NEDD4L: variants seen among roughly 807,000 people sequenced by gnomAD.
NEDD4L encodes E3 ubiquitin-protein ligase NEDD4-like.
In NEDD4L, 54 loss-of-function variants were observed where a neutral mutation model predicts 148.9. That is an observed-to-expected ratio of 0.36 (90% CI 0.29 to 0.45). The LOEUF (loss-of-function observed/expected upper bound fraction) is 0.45, where lower values mean the gene tolerates loss of function less well. NEDD4L is among the 20% of genes least tolerant of loss of function. NEDD4L has a pLI of 1.00. For missense variants in NEDD4L, 856 were observed against 1,233.8 expected (o/e 0.69, Z 4.59); for synonymous variants, 433 against 440.7 (o/e 0.98, Z 0.22).
intron 15 of NEDD4L, among the ~76,000 whole-genome samples, 171 bp downstream of exon 15, chr18:58,341,968 C>A (rs988878989): frequency 4.6e-5 from 7 of 152,154 alleles, no homozygotes; most frequent in Non-Finnish European, 7.3e-5. Context: ...TCTGTCTCGC[C>A]CAGTTAACAT....
rs2032978770 is a variant in NEDD4L, at chr18:58,137,490, TA to T, written c.49-28296del. 2.0e-5 allele frequency among the ~76,000 whole-genome samples: 3 copies of T among 151,968 alleles called. No individual in the cohort carries two copies. The South Asian group carries it at 6.2e-4, about 32-fold the overall frequency. On this transcript the variant is annotated intron_variant, in intron 1 of 30. Transcript: ENST00000400345. Reference sequence around the variant, plus strand: ...TGGGTTTATTAGCTGGGAAAGGCCATAAGGATGAGGAAGAGAAGCTTGTGTT... The same window carrying T: ...TGGGTTTATTAGCTGGGAAAGGCCATAGGATGAGGAAGAGAAGCTTGTGTT...
intron 5 of NEDD4L, among the ~76,000 whole-genome samples, chr18:58,280,901 A>G (rs2052958368): frequency 6.6e-6 from 1 of 152,172 alleles, no homozygotes; most frequent in African/African-American, 2.4e-5. Context: ...CAACAAAATG[A>G]CTTATTTCAT....
At chr18:58,370,874 A>G (rs1357722426) in intron 23 of NEDD4L, among the ~76,000 whole-genome samples, 1 of 152,196 alleles carries the variant, frequency 6.6e-6, no homozygotes, top group African/African-American at 2.4e-5. Context: ...GGTCAAAACA[A>G]TAGGAAGAGT....
intron 1 of NEDD4L, among the ~76,000 whole-genome samples, chr18:58,147,120 G>A (rs2034176669): frequency 6.6e-6 from 1 of 152,200 alleles, no homozygotes; most frequent in Admixed American, 6.5e-5. Context: ...TCATAGCTTT[G>A]TGTGTCTGTG....
At chr18:58,149,308 T>G (rs775772533) in intron 1 of NEDD4L, 75 of 1,176,152 alleles carry the variant, frequency 6.4e-5, no homozygotes, top group Non-Finnish European at 5.7e-5. Context: ...CACCTGTGAT[T>G]TGATGTGAGC....
intron 19 of NEDD4L, among the ~76,000 whole-genome samples, chr18:58,358,440 A>G (rs768868765): frequency 2.6e-5 from 4 of 152,222 alleles, no homozygotes; most frequent in Non-Finnish European, 4.4e-5. Context: ...TCATTAGAAC[A>G]AGGTAAATTC....
chr18:58,313,921 G>C (rs779367008), intron 5 of NEDD4L, among the ~76,000 whole-genome samples: 1 of 152,354 alleles, frequency 6.6e-6, no homozygotes, highest in South Asian at 2.1e-4. Context: ...CTATCAGGCT[G>C]TGAAACAGCT....
At chr18:58,071,905 A>T (rs1432284443) in intron 1 of NEDD4L, among the ~76,000 whole-genome samples, 1 of 152,228 alleles carries the variant, frequency 6.6e-6, no homozygotes, top group Non-Finnish European at 1.5e-5. Flanking sequence ...AACTTCCCTT[A>T]TGATTCAGTT....
intron 1 of NEDD4L, among the ~76,000 whole-genome samples, chr18:58,067,079 C>G (rs759980472): frequency 5.3e-5 from 8 of 152,184 alleles, no homozygotes; most frequent in Non-Finnish European, 1.0e-4. Flanking sequence ...CAGCCCTGAA[C>G]TCTCAAAGTC....
intron 1 of NEDD4L, among the ~76,000 whole-genome samples, chr18:58,161,324 C>T (rs2036180669): frequency 1.3e-5 from 2 of 152,146 alleles, no homozygotes; most frequent in Non-Finnish European, 2.9e-5. Flanking sequence ...AGCCACCGTA[C>T]CCGGCAGGTT....
chr18:58,128,611 G>A (rs562520964), intron 1 of NEDD4L, among the ~76,000 whole-genome samples: 1 of 152,326 alleles, frequency 6.6e-6, no homozygotes, highest in East Asian at 1.9e-4. Flanking sequence ...GCAACTGCCT[G>A]TAGCAGGGAC....
chr18:58,311,986 G>C (rs955818259), intron 5 of NEDD4L, among the ~76,000 whole-genome samples: 2 of 152,228 alleles, frequency 1.3e-5, no homozygotes, highest in Admixed American at 1.3e-4. Flanking sequence ...TTCTTACTTA[G>C]TAGTGATTTT....
At chr18:58,072,444 T>C (rs959465246) in intron 1 of NEDD4L, among the ~76,000 whole-genome samples, 1 of 152,200 alleles carries the variant, frequency 6.6e-6, no homozygotes, top group Non-Finnish European at 1.5e-5. Context: ...AACCACTCAA[T>C]GTAATCTGTC....
intron 2 of NEDD4L, among the ~76,000 whole-genome samples, chr18:58,172,171 C>G (rs544809425): frequency 6.6e-6 from 1 of 152,260 alleles, no homozygotes; most frequent in African/African-American, 2.4e-5. Context: ...TGTGGCCATC[C>G]TTCCATAGAG....
intron 8 of NEDD4L, 87 bp downstream of exon 8, chr18:58,323,421 G>A (rs2059020900): frequency 2.7e-6 from 2 of 739,592 alleles, no homozygotes; most frequent in East Asian, 5.5e-5. Flanking sequence ...GGAAATAAAA[G>A]TTTAGAAAGC....
intron 3 of NEDD4L, among the ~76,000 whole-genome samples, chr18:58,248,142 A>G (rs2047499902): frequency 6.6e-6 from 1 of 152,218 alleles, no homozygotes; most frequent in South Asian, 2.1e-4. Context: ...AGGCTTATGC[A>G]TGTGCAGATG....
chr18:58,373,435 C>CA (rs1486035047), intron 24 of NEDD4L, among the ~76,000 whole-genome samples, 166 bp downstream of exon 24: 3 of 152,186 alleles, frequency 2.0e-5, no homozygotes, highest in African/African-American at 7.2e-5. Flanking sequence ...GCCAAGACGC[C>CA]ACACTCCAAT....
At chr18:58,213,843 C>T (rs1248897717) in intron 2 of NEDD4L, among the ~76,000 whole-genome samples, 1 of 151,924 alleles carries the variant, frequency 6.6e-6, no homozygotes, top group Non-Finnish European at 1.5e-5. Flanking sequence ...GAGTATTTAA[C>T]ATTCTTCTTT....
rs1189206051 is a variant in NEDD4L, at chr18:58,330,778, A to C, written c.854A>C (p.Asp285Ala). Residue 285 changes from aspartate to alanine, a missense_variant, in exon 11 of 31, where the codon GAC becomes GCC. Asp to Ala is a moderately radical substitution (Grantham distance 126). Around this residue, in one of 4 missense-constraint regions of NEDD4L, gnomAD observed 367 missense variants for 422.7 expected, o/e 0.87. Coordinates refer to ENST00000400345, the MANE Select transcript of NEDD4L (RefSeq NM_001144967.3). ...TISEEVNIAG[D>A]SLGLALPPPP... The stretch of plus-strand genomic sequence containing the variant: ...TCAGAGGAAGTGAATATCGCTGGAG[A>C]CTCTCTCGGTCTGGCTCTGCCCCCA... 4 of 1,609,316 alleles carry C rather than the reference A, an allele frequency of 2.5e-6. No homozygotes were observed. The highest frequency in any genetic ancestry group is 8.5e-7 in the Non-Finnish European group (1 of 1,177,422).
Sources: gnomAD v4.1 joint callset for allele counts (sites outside exome capture counted in the v4.1 genomes callset) on GRCh38, gnomAD v4.1.1 for gene constraint, gnomAD v4.1.1 regional missense constraint, MANE v1.5 for transcripts, NCBI Gene and HGNC (gene_info 2026-07-23, HGNC 2026-07-21) for gene names.